C10orf90: variants seen among roughly 807,000 people sequenced by gnomAD.
C10orf90 encodes (E2-independent) E3 ubiquitin-conjugating enzyme FATS.
Under a neutral mutation model 62.5 loss-of-function variants are expected in C10orf90, and 56 were observed. That is an observed-to-expected ratio of 0.90 (90% confidence interval 0.72 to 1.12). C10orf90 has a LOEUF of 1.12. Among genes scored for constraint, C10orf90 ranks in the 50% most tolerant of loss-of-function variants. The probability of loss-of-function intolerance (pLI) is 0.00; values close to 1 mark genes in which losing one functional copy is unlikely to be tolerated. For missense variants in C10orf90, 970 were observed against 880.4 expected, an observed-to-expected ratio of 1.10 and a Z score of -1.29; for synonymous variants, 386 against 340.4, an observed-to-expected ratio of 1.13 and a Z score of -1.47.
At chr10:126,464,563 G>T in intron 5 of C10orf90, 133 bp downstream of exon 5, 4 of 1,029,708 alleles carry the variant, frequency 3.9e-6, no homozygotes, top group Non-Finnish European at 5.7e-6. Context: ...TCCCCTCTCT[G>T]CTCTCCCAGT....
At chr10:126,648,377 G>A (rs1245185474) in intron 1 of C10orf90, among the ~76,000 whole-genome samples, 1 of 152,154 alleles carries the variant, frequency 6.6e-6, no homozygotes, top group Non-Finnish European at 1.5e-5. Flanking sequence ...ATCTTGTACT[G>A]CCCAGCCTCC....
At chr10:126,615,003 T>C (rs1845511889) in intron 2 of C10orf90, among the ~76,000 whole-genome samples, 1 of 152,206 alleles carries the variant, frequency 6.6e-6, no homozygotes, top group African/African-American at 2.4e-5. Context: ...CTGGCTGGCT[T>C]GACTGAGGCT....
intron 2 of C10orf90, among the ~76,000 whole-genome samples, chr10:126,577,586 G>A (rs565815329): frequency 6.6e-6 from 1 of 152,030 alleles, no homozygotes; most frequent in African/African-American, 2.4e-5. Flanking sequence ...TTGTAAAGAT[G>A]TTCCTTCTTT....
intron 2 of C10orf90, among the ~76,000 whole-genome samples, chr10:126,575,787 C>T (rs1001163044): frequency 6.6e-6 from 1 of 151,976 alleles, no homozygotes; most frequent in African/African-American, 2.4e-5. Context: ...TATCTTTAGC[C>T]AACTGATTTT....
intron 2 of C10orf90, among the ~76,000 whole-genome samples, chr10:126,558,243 C>T (rs1864822442): frequency 6.6e-6 from 1 of 152,162 alleles, no homozygotes; most frequent in South Asian, 2.1e-4. Flanking sequence ...CTAGACCAGC[C>T]TCCAGCCTCA....
rs59095390 is a variant in C10orf90, at chr10:126,547,103, C to T, written c.314-33164G>A. On this transcript the variant is annotated intron_variant, in intron 2 of 9. Transcript: ENST00000488181. ...CAGACTGGGCAACAGAGCGAGACTC[C>T]GTCTCCAACCACAACAACAAAAACA... is the stretch of plus-strand genomic sequence containing the variant. 6.6e-3 allele frequency among the ~76,000 whole-genome samples: 963 copies of T among 146,608 alleles called. 10 individuals are homozygous for T. The highest frequency in any genetic ancestry group is 0.034 in the East Asian group (165 of 4,834).
intron 2 of C10orf90, among the ~76,000 whole-genome samples, chr10:126,606,376 C>A (rs965324921): frequency 6.6e-6 from 1 of 152,158 alleles, no homozygotes; most frequent in African/African-American, 2.4e-5. Flanking sequence ...TTGGTCAGTT[C>A]TGGTTCTTAC....
At chr10:126,448,246 T>C (rs935393200) in intron 7 of C10orf90, among the ~76,000 whole-genome samples, 7 of 151,766 alleles carry the variant, frequency 4.6e-5, no homozygotes, top group Admixed American at 6.6e-5. Context: ...TTCATAGATA[T>C]GTGAAAATTA....
chr10:126,503,833 A>G (rs1187385640), intron 4 of C10orf90, 124 bp downstream of exon 4: 3 of 1,175,700 alleles, frequency 2.6e-6, no homozygotes, highest in Middle Eastern at 2.9e-4. Flanking sequence ...TGAGCAGAGC[A>G]GATCACTGCA....
In C10orf90 at chr10:126,666,959, G is replaced by A. The variant is rs546397803; in HGVS notation, c.240+3282C>T. On this transcript the variant is annotated intron_variant, in intron 1 of 9. Transcript: ENST00000488181. ...CGTGCCACTGCACTCCAGCCTGGGC[G>A]ACAGAGTGAGACCCTGTCTCAAAAA... is the stretch of plus-strand genomic sequence containing the variant. 6.4e-4 allele frequency among the ~76,000 whole-genome samples: 95 copies of A among 148,802 alleles called. 1 individual carries two copies. The South Asian group carries it at 0.017, about 27-fold the overall frequency.
At chr10:126,528,305 A>G (rs1186517050) in intron 2 of C10orf90, among the ~76,000 whole-genome samples, 1 of 152,140 alleles carries the variant, frequency 6.6e-6, no homozygotes, top group East Asian at 1.9e-4. Flanking sequence ...CAATAAATAC[A>G]CTTACTAATC....
rs112888501 is a variant in C10orf90 at position 126,579,061 on chromosome 10, A to G, written c.314-65122T>C. 4.5e-3 allele frequency among the ~76,000 whole-genome samples: 667 copies of G among 149,880 alleles called. 7 individuals carry two copies. Among genetic ancestry groups the G allele is most frequent in the African/African-American group, 0.016 (646 of 39,680 alleles). ...GTATAGATAGTGTACTTCAATTAAA[A>G]GTTTTTTTTTAAAAAAAAAAACCTA... On this transcript the variant is annotated intron_variant, in intron 2 of 9. Transcript: ENST00000488181.
In C10orf90 at chr10:126,649,012, ATCTCTCTCTCTCTCTGTCTCTGTC is replaced by A. The variant is rs1364749673; in HGVS notation, c.241-2399_241-2376del. On this transcript the variant is annotated intron_variant, in intron 1 of 9. Coordinates refer to ENST00000488181, the MANE Select transcript of C10orf90 (RefSeq NM_001350921.2). ...TGCTTTGGTTTGGATCACAGATGAT[ATCTCTCTCTCTCTCTGTCTCTGTC>A]TCTCTCTCTCTCTCTCTCTCTCTCT... 1.1e-3 allele frequency among the ~76,000 whole-genome samples: 145 copies of A among 127,512 alleles called. 4 individuals are homozygous for A. The highest frequency in any genetic ancestry group is 9.3e-3 in the Middle Eastern group (2 of 214). 83.7% of individuals were successfully genotyped at this position (127,512 alleles called of 152,430 possible). A position where few individuals can be genotyped will look rare whatever the true frequency, so the allele number is the denominator to read the frequency against.
At position 126,479,583 on chromosome 10, in the gene C10orf90, CG is replaced by C. The variant is rs368613336; in HGVS notation, c.1535-14598del. On this transcript the variant is annotated intron_variant, in intron 4 of 9. Transcript: ENST00000488181. ...TGGGCAGGACCCACCCCCTCCAGGA[CG>C]CAGCTGACAACAGGCATGGCAGCAA... Among the ~76,000 whole-genome samples, 188 of 152,298 alleles carry C rather than the reference CG, an allele frequency of 1.2e-3. 1 individual carries two copies. Among genetic ancestry groups the C allele is most frequent in the African/African-American group, 4.1e-3 (171 of 41,562 alleles).
chr10:126,547,209 G>T (rs1286444979), intron 2 of C10orf90, among the ~76,000 whole-genome samples: 1 of 152,036 alleles, frequency 6.6e-6, no homozygotes, highest in Non-Finnish European at 1.5e-5. Flanking sequence ...CAGGAGGTCA[G>T]GAGATCGAGA....
chr10:126,439,738 G>A (rs1413360234), intron 7 of C10orf90, among the ~76,000 whole-genome samples: 2 of 152,046 alleles, frequency 1.3e-5, no homozygotes, highest in Non-Finnish European at 1.5e-5. Flanking sequence ...GAATTCAAAG[G>A]CAGGTTATTT....
intron 7 of C10orf90, among the ~76,000 whole-genome samples, chr10:126,445,233 AAC>A (rs1356006855): frequency 6.6e-6 from 1 of 152,062 alleles, no homozygotes; most frequent in Non-Finnish European, 1.5e-5. Flanking sequence ...AAATAGACAA[AAC>A]ACAGAGTGGG....
At chr10:126,562,585 A>C (rs1369405023) in intron 2 of C10orf90, among the ~76,000 whole-genome samples, 3 of 152,186 alleles carry the variant, frequency 2.0e-5, no homozygotes, top group African/African-American at 7.2e-5. Flanking sequence ...ACGGGCACAG[A>C]GCAATCTGCA....
At chr10:126,558,351 T>A (rs1864824534) in intron 2 of C10orf90, among the ~76,000 whole-genome samples, 4 of 152,098 alleles carry the variant, frequency 2.6e-5, no homozygotes, top group Admixed American at 2.6e-4. Flanking sequence ...GTCTTCAGGA[T>A]GAAATCCAAA....
Sources: gnomAD v4.1 joint callset for allele counts (sites outside exome capture counted in the v4.1 genomes callset) on GRCh38, gnomAD v4.1.1 for gene constraint, MANE v1.5 for transcripts, NCBI Gene and HGNC (gene_info 2026-07-23, HGNC 2026-07-21) for gene names.